Variants in MARK2 observed in about 807,000 individuals in gnomAD.
MARK2 encodes microtubule affinity regulating kinase 2, also known as serine/threonine-protein kinase MARK2.
MARK2 carries 16 observed loss-of-function variants against 89.8 expected under a neutral mutation model. The observed-to-expected ratio is 0.18, with a 90% CI of 0.12 to 0.27. MARK2 has a LOEUF of 0.27. Ranked by LOEUF, MARK2 falls within the 10% of genes least tolerant of loss-of-function variation. The probability of loss-of-function intolerance (pLI) is 1.00; values close to 1 mark genes in which losing one functional copy is unlikely to be tolerated. For missense variants in MARK2, 621 were observed against 1,049.9 expected (o/e 0.59, Z 5.65); for synonymous variants, 382 against 399.5 (o/e 0.96, Z 0.52).
Position 63,839,553 on chromosome 11 carries a change from C to A in MARK2, c.47C>A (p.Thr16Lys). 1 of 1,535,484 alleles carries A rather than the reference C, an allele frequency of 6.5e-7. No individual in the cohort carries two copies. The highest frequency in any genetic ancestry group is 8.8e-7 in the Non-Finnish European group (1 of 1,139,370). The change falls in exon 1 of 19, where the codon ACG becomes AAG. Residue 16 changes from threonine to lysine, a missense_variant. This residue lies in a region of MARK2 where 60 missense variants were observed against 73.2 expected (regional missense o/e 0.82). Transcript: ENST00000402010. ...CTACCCACGCTGAACGAGAGGGACACGGAGCAGGTAAGGAGCCCCGAGGGC... is the reference window on the plus strand; with the variant it reads ...CTACCCACGCTGAACGAGAGGGACAAGGAGCAGGTAAGGAGCCCCGAGGGC... ...TPLPTLNERD[T>K]EQPTLGHLDS...
chr11:63,841,824 G>T (rs375161864), intron 1 of MARK2, among the ~76,000 whole-genome samples: 20 of 152,182 alleles, frequency 1.3e-4, no homozygotes, highest in Non-Finnish European at 2.4e-4. Context: ...TATTGCCATG[G>T]TATTTTTCCT....
intron 1 of MARK2, among the ~76,000 whole-genome samples, chr11:63,878,122 G>C (rs759304553): frequency 5.3e-5 from 8 of 152,172 alleles, no homozygotes; most frequent in Non-Finnish European, 8.8e-5. Flanking sequence ...GTTGTAAAGA[G>C]CATTTGCCCC....
At chr11:63,884,393 T>G (rs1366796659) in intron 1 of MARK2, among the ~76,000 whole-genome samples, 2 of 152,138 alleles carry the variant, frequency 1.3e-5, no homozygotes, top group Admixed American at 1.3e-4. Flanking sequence ...TCTTATGCCA[T>G]GTCAGGTTTT....
intron 1 of MARK2, among the ~76,000 whole-genome samples, chr11:63,851,375 G>T (rs917976222): frequency 6.6e-6 from 1 of 152,134 alleles, no homozygotes; most frequent in Non-Finnish European, 1.5e-5. Context: ...GAGGCTGGAG[G>T]ATTGCTTGAG....
chr11:63,876,730 C>G (rs1938781325), intron 1 of MARK2, among the ~76,000 whole-genome samples: 1 of 152,152 alleles, frequency 6.6e-6, no homozygotes, highest in South Asian at 2.1e-4. Context: ...TCCCTGCCAT[C>G]TCTGAGTGAA....
chr11:63,875,893 G>T (rs1938723329), intron 1 of MARK2, among the ~76,000 whole-genome samples: 2 of 152,198 alleles, frequency 1.3e-5, no homozygotes, highest in Non-Finnish European at 2.9e-5. Flanking sequence ...GGTTTCCTTT[G>T]TCTCACAGCT....
At chr11:63,840,445 C>T (rs903016646) in intron 1 of MARK2, among the ~76,000 whole-genome samples, 1 of 152,142 alleles carries the variant, frequency 6.6e-6, no homozygotes, top group Non-Finnish European at 1.5e-5. Flanking sequence ...TTTCTCCCAA[C>T]CCAAAGACAC....
intron 1 of MARK2, among the ~76,000 whole-genome samples, chr11:63,858,023 T>C (rs917798676): frequency 1.5e-4 from 23 of 150,758 alleles, no homozygotes; most frequent in African/African-American, 5.4e-4. Flanking sequence ...ATCATCGTTA[T>C]TATTGTTTTG....
At chr11:63,839,683 ATCCGGCTCCTGGC>A (rs1318891393) in intron 1 of MARK2, 123 bp downstream of exon 1, 2 of 677,024 alleles carry the variant, frequency 3.0e-6, no homozygotes, top group Non-Finnish European at 5.0e-6. Context: ...CTGCCCTGTC[ATCCGGCTCCTGGC>A]TCCGGCTCCG....
rs369027259 is a variant in MARK2 at position 63,900,532 on chromosome 11, A to G, written c.769-27A>G. The G allele has an allele frequency of 2.4e-5, 39 of 1,610,744 alleles. No individual in the cohort carries two copies. The highest frequency in any genetic ancestry group is 8.0e-5 in the African/African-American group (6 of 74,652). ...TTCCTTTGGCCTTGGGGTGATTTCA[A>G]TTTTCTAACCCTGGATCCTCCTGCA... On this transcript the variant is annotated intron_variant, in intron 8 of 18. Coordinates refer to ENST00000402010, the MANE Select transcript of MARK2 (RefSeq NM_001039469.3). This position sits in a 1 kb window ranked among gnomAD's most constrained non-coding sequence, Gnocchi z 4.7.
intron 1 of MARK2, among the ~76,000 whole-genome samples, chr11:63,864,743 G>A (rs957607195): frequency 6.7e-6 from 1 of 150,344 alleles, no homozygotes; most frequent in Non-Finnish European, 1.5e-5. Context: ...GTAGTCGGTG[G>A]CTCACAGCTG....
At chr11:63,892,598 G>A (rs1222771384) in intron 1 of MARK2, among the ~76,000 whole-genome samples, 1 of 152,118 alleles carries the variant, frequency 6.6e-6, no homozygotes, top group Non-Finnish European at 1.5e-5. Context: ...TTCCAAGGCA[G>A]CTCTGGATGG....
intron 1 of MARK2, among the ~76,000 whole-genome samples, chr11:63,877,959 CT>C (rs1370132405): frequency 2.6e-5 from 4 of 152,244 alleles, no homozygotes; most frequent in Non-Finnish European, 4.4e-5. Flanking sequence ...CTCCATTGAT[CT>C]GGCAAGCTGG....
chr11:63,864,764 A>C (rs1183966375), intron 1 of MARK2, among the ~76,000 whole-genome samples: 1 of 149,042 alleles, frequency 6.7e-6, no homozygotes, highest in Admixed American at 6.7e-5. Context: ...TATTCTCAGC[A>C]CTTTGGGAGG....
chr11:63,858,597 C>A (rs1273388158), intron 1 of MARK2, among the ~76,000 whole-genome samples: 3 of 152,030 alleles, frequency 2.0e-5, no homozygotes, highest in Non-Finnish European at 4.4e-5. Context: ...TCGTGATCCA[C>A]CTGCCTCTGC....
In MARK2 at chr11:63,888,459, G is replaced by A. The variant is rs1159001746; in HGVS notation, c.55-6700G>A. ...CAGCTGTTACCCAGCAAAGCACCTT[G>A]GGGAGGGTGGGGCTGCCCACTTCCG... On this transcript the variant is annotated intron_variant, in intron 1 of 18. Coordinates refer to ENST00000402010, the MANE Select transcript of MARK2 (RefSeq NM_001039469.3). 38 of 931,784 alleles carry A rather than the reference G, an allele frequency of 4.1e-5. No homozygotes were observed. In the South Asian group the frequency reaches 1.4e-3, roughly 34 times the overall value. 57.7% of individuals were successfully genotyped at this position (931,784 alleles called of 1,614,324 possible).
intron 1 of MARK2, among the ~76,000 whole-genome samples, chr11:63,847,685 A>G (rs188388879): frequency 6.6e-6 from 1 of 152,324 alleles, no homozygotes; most frequent in Non-Finnish European, 1.5e-5. Context: ...CCTTCACTCC[A>G]GGGAGGAGGC....
chr11:63,892,782 A>C (rs1310355136), intron 1 of MARK2, among the ~76,000 whole-genome samples: 1 of 148,566 alleles, frequency 6.7e-6, no homozygotes, highest in Non-Finnish European at 1.5e-5. Flanking sequence ...GCTGGAGTAC[A>C]ATGGCATGAT....
At chr11:63,849,480 C>T (rs185000642) in intron 1 of MARK2, among the ~76,000 whole-genome samples, 8 of 152,268 alleles carry the variant, frequency 5.3e-5, no homozygotes, top group Admixed American at 2.0e-4. Context: ...GGGCCGGGCG[C>T]GGTGGCTCAT....
Sources: gnomAD v4.1 joint callset for allele counts (sites outside exome capture counted in the v4.1 genomes callset) on GRCh38, gnomAD v4.1.1 for gene constraint, gnomAD v4.1.1 regional missense constraint, Gnocchi (gnomAD v3.1) non-coding constraint, MANE v1.5 for transcripts, NCBI Gene and HGNC (gene_info 2026-07-23, HGNC 2026-07-21) for gene names.